Variants in PLD5 observed in about 807,000 individuals in gnomAD.
PLD5 encodes inactive phospholipase D5.
Under a neutral mutation model 61.1 loss-of-function variants are expected in PLD5, and 36 were observed. The ratio of observed to expected loss-of-function variants is 0.59; its 90% confidence interval spans 0.45 to 0.78. The LOEUF (loss-of-function observed/expected upper bound fraction) is 0.78. PLD5 is among the 30% of genes least tolerant of loss of function. PLD5 has a pLI of 0.00. For synonymous variants in PLD5, 243 were observed against 242.8 expected, an observed-to-expected ratio of 1.00 and a Z score of -0.01; for missense variants, 515 against 644.4, an observed-to-expected ratio of 0.80 and a Z score of 2.17.
intron 1 of PLD5, among the ~76,000 whole-genome samples, chr1:242,387,851 A>G (rs1662691100): frequency 6.6e-6 from 1 of 152,158 alleles, no homozygotes; most frequent in Admixed American, 6.5e-5. Flanking sequence ...AACGTTCATT[A>G]TAAAGGAAAA....
intron 4 of PLD5, among the ~76,000 whole-genome samples, chr1:242,228,107 A>T (rs1427800522): frequency 6.6e-6 from 1 of 152,226 alleles, no homozygotes; most frequent in Non-Finnish European, 1.5e-5. Flanking sequence ...GTTCACATTT[A>T]CACATTACAC....
chr1:242,150,081 T>C (rs1222385779), intron 5 of PLD5, among the ~76,000 whole-genome samples: 1 of 151,852 alleles, frequency 6.6e-6, no homozygotes, highest in Non-Finnish European at 1.5e-5. Flanking sequence ...AGATTTCCTC[T>C]TCACACAATC....
intron 1 of PLD5, among the ~76,000 whole-genome samples, chr1:242,480,371 C>T (rs569742868): frequency 4.6e-5 from 7 of 152,222 alleles, no homozygotes; most frequent in South Asian, 2.1e-4. Context: ...AAATGAATTA[C>T]AGACTTCAAT....
intron 1 of PLD5, among the ~76,000 whole-genome samples, chr1:242,371,267 A>C (rs1661617580): frequency 6.6e-6 from 1 of 152,130 alleles, no homozygotes; most frequent in South Asian, 2.1e-4. Context: ...TTAGGGTGAG[A>C]GAGAACCTTT....
At chr1:242,508,371 C>A (rs1481588642) in intron 1 of PLD5, among the ~76,000 whole-genome samples, 5 of 149,886 alleles carry the variant, frequency 3.3e-5, no homozygotes, top group Admixed American at 3.3e-4. Flanking sequence ...GAAACTCCGT[C>A]TCAAAAAAAA....
intron 1 of PLD5, among the ~76,000 whole-genome samples, chr1:242,518,045 T>C (rs1043821801): frequency 7.9e-5 from 12 of 152,180 alleles, no homozygotes; most frequent in Non-Finnish European, 4.4e-5. Context: ...TAAAGAAATA[T>C]ATTTATCACC....
intron 2 of PLD5, among the ~76,000 whole-genome samples, chr1:242,297,350 A>T (rs1267159193): frequency 6.7e-6 from 1 of 149,378 alleles, no homozygotes; most frequent in Non-Finnish European, 1.5e-5. Flanking sequence ...TCTCAAAAAA[A>T]AAAAAAAAAA....
intron 3 of PLD5, among the ~76,000 whole-genome samples, chr1:242,283,635 C>T (rs1368415190): frequency 6.6e-6 from 1 of 152,130 alleles, no homozygotes; most frequent in Non-Finnish European, 1.5e-5. Flanking sequence ...GTGTTTGGCA[C>T]CAGAATATTT....
chr1:242,167,835 C>A (rs558816232), intron 5 of PLD5, among the ~76,000 whole-genome samples: 75 of 152,274 alleles, frequency 4.9e-4, no homozygotes, highest in African/African-American at 1.7e-3. Flanking sequence ...AATAATTTGG[C>A]ATATATTAGA....
intron 5 of PLD5, among the ~76,000 whole-genome samples, chr1:242,212,353 C>A (rs150202891): frequency 1.2e-3 from 189 of 152,344 alleles, no homozygotes; most frequent in African/African-American, 4.5e-3. Flanking sequence ...TGTATAAACC[C>A]ATTTCTTTTA....
At chr1:242,481,820 G>C (rs187256740) in intron 1 of PLD5, among the ~76,000 whole-genome samples, 2 of 152,322 alleles carry the variant, frequency 1.3e-5, no homozygotes, top group African/African-American at 4.8e-5. Context: ...AGTAGGGGCA[G>C]ACTGACACCT....
At chr1:242,450,227 A>G (rs909944002) in intron 1 of PLD5, among the ~76,000 whole-genome samples, 9 of 152,242 alleles carry the variant, frequency 5.9e-5, no homozygotes, top group African/African-American at 2.2e-4. Context: ...AAGCTCAGAC[A>G]GGACTCTTTA....
At chr1:242,242,216 C>T (rs1015807427) in intron 4 of PLD5, among the ~76,000 whole-genome samples, 5 of 151,880 alleles carry the variant, frequency 3.3e-5, no homozygotes, top group African/African-American at 7.3e-5. Context: ...GTAACTTGCG[C>T]GAGGTCCTAG....
chr1:242,100,652 C>G lies in PLD5; in HGVS notation c.1354+16G>C. 1 of 1,601,900 alleles carries G rather than the reference C, an allele frequency of 6.2e-7. No homozygotes were observed. Among genetic ancestry groups the G allele is most frequent in the East Asian group, 2.2e-5 (1 of 44,834 alleles). ...GGTGACCCCCACCCAAGGAGCTTCA[C>G]AGCCCTGACACCTACCAATATAAGC... On this transcript the variant is annotated intron_variant, in intron 9 of 9. Coordinates refer to ENST00000536534, the MANE Select transcript of PLD5 (RefSeq NM_001372062.1).
chr1:242,294,970 C>A (rs1675568444), intron 2 of PLD5, among the ~76,000 whole-genome samples: 1 of 152,106 alleles, frequency 6.6e-6, no homozygotes, highest in Admixed American at 6.5e-5. Flanking sequence ...CAGGACCTGA[C>A]CTTAAAAAGG....
chr1:242,153,837 C>G (rs1665132649), intron 5 of PLD5, among the ~76,000 whole-genome samples: 1 of 152,090 alleles, frequency 6.6e-6, no homozygotes, highest in Non-Finnish European at 1.5e-5. Context: ...GCTATGTGGG[C>G]TCTTTTTTGG....
chr1:242,429,148 G>A (rs564202567), intron 1 of PLD5, among the ~76,000 whole-genome samples: 3 of 152,288 alleles, frequency 2.0e-5, no homozygotes, highest in Non-Finnish European at 4.4e-5. Flanking sequence ...GAATAATATT[G>A]AAATGAAAAG....
At chr1:242,226,870 C>A (rs1404589675) in intron 4 of PLD5, among the ~76,000 whole-genome samples, 1 of 151,746 alleles carries the variant, frequency 6.6e-6, no homozygotes, top group Non-Finnish European at 1.5e-5. Flanking sequence ...TTTGTGCTTA[C>A]GTATTTCAAT....
At position 242,520,344 on chromosome 1, in the gene PLD5, T is replaced by G. The variant is rs1024068958; in HGVS notation, c.189+3744A>C. Among the ~76,000 whole-genome samples the G allele has an allele frequency of 2.0e-5, 3 of 152,194 alleles. No homozygotes were observed. In the East Asian group the frequency reaches 5.8e-4, roughly 29 times the overall value. On this transcript the variant is annotated intron_variant, in intron 1 of 9. Transcript: ENST00000536534. ...AAAGTATACTTTCGTGGTGTCCGAG[T>G]CTCTGACATTTGGAGAATGTTCGTT...
Sources: allele counts gnomAD v4.1 joint callset (sites outside exome capture counted in the v4.1 genomes callset), GRCh38; gene constraint gnomAD v4.1.1; transcripts MANE v1.5; gene names NCBI Gene and HGNC (gene_info 2026-07-23, HGNC 2026-07-21).